Variants in FAM13A observed in about 807,000 individuals in gnomAD.
FAM13A encodes the protein protein FAM13A.
In FAM13A, 76 loss-of-function variants were observed where a neutral mutation model predicts 129.6. The observed-to-expected ratio is 0.59, with a 90% CI of 0.49 to 0.71. The LOEUF (loss-of-function observed/expected upper bound fraction) is 0.71, where lower values mean the gene tolerates loss of function less well. Among genes scored for constraint, FAM13A ranks in the 30% least tolerant of loss-of-function variants. FAM13A has a pLI of 0.00. For synonymous variants in FAM13A, 443 were observed against 449.9 expected, an observed-to-expected ratio of 0.98 and a Z score of 0.20; for missense variants, 1,108 against 1,249.3, an observed-to-expected ratio of 0.89 and a Z score of 1.70.
chr4:88,813,703 C>T (rs540639318), intron 7 of FAM13A, among the ~76,000 whole-genome samples: 14 of 152,124 alleles, frequency 9.2e-5, no homozygotes, highest in Non-Finnish European at 1.3e-4. Context: ...CATCCTCTCC[C>T]GAACACCCCT....
chr4:88,775,787 A>G (rs564207736), intron 11 of FAM13A, among the ~76,000 whole-genome samples: 1 of 152,350 alleles, frequency 6.6e-6, no homozygotes, highest in South Asian at 2.1e-4. Context: ...GAGATTGGCC[A>G]TCAGAGCAGA....
chr4:88,912,639 A>G (rs1749274506), intron 5 of FAM13A, among the ~76,000 whole-genome samples: 1 of 152,020 alleles, frequency 6.6e-6, no homozygotes, highest in African/African-American at 2.4e-5. Flanking sequence ...CCTTGAACAT[A>G]TACAGGAGGA....
intron 4 of FAM13A, among the ~76,000 whole-genome samples, chr4:88,982,232 T>G (rs1452570196): frequency 6.6e-6 from 1 of 152,246 alleles, no homozygotes; most frequent in Non-Finnish European, 1.5e-5. Context: ...TACTCAATAC[T>G]GTAAGAAGCT....
chr4:88,740,802 C>T (rs899470272), intron 19 of FAM13A, among the ~76,000 whole-genome samples: 1 of 152,220 alleles, frequency 6.6e-6, no homozygotes, highest in Non-Finnish European at 1.5e-5. Context: ...AGAAGAATAA[C>T]AGCCTTATGT....
chr4:88,867,710 C>T (rs1185388191), intron 6 of FAM13A, among the ~76,000 whole-genome samples: 8 of 152,106 alleles, frequency 5.3e-5, no homozygotes, highest in Non-Finnish European at 1.2e-4. Context: ...GTGAATGAAG[C>T]AAGTTGGAGA....
intron 14 of FAM13A, among the ~76,000 whole-genome samples, chr4:88,755,261 G>T (rs1004302209): frequency 9.9e-5 from 15 of 152,154 alleles, no homozygotes; most frequent in African/African-American, 2.9e-4. Context: ...AACTTAGGCT[G>T]ATTTTTCCTG....
intron 1 of FAM13A, among the ~76,000 whole-genome samples, chr4:89,040,632 T>C (rs1769988404): frequency 6.6e-6 from 1 of 152,220 alleles, no homozygotes; most frequent in Non-Finnish European, 1.5e-5. Context: ...TTGACTGGTA[T>C]AGTCTCACTG....
rs1762952265 is a variant in FAM13A, at chr4:88,991,789, G to C, written c.428-639C>G. On this transcript the variant is annotated intron_variant, in intron 3 of 23. Transcript: ENST00000264344. ...TAATCTTGACAAAGATTATCTCCTT[G>C]ACCAATCTCTAGTCAGACTTCTCTG... Among the ~76,000 whole-genome samples, 2 of 152,078 alleles carry C rather than the reference G, an allele frequency of 1.3e-5. 1 individual carries two copies. Among genetic ancestry groups the C allele is most frequent in the South Asian group, 4.1e-4 (2 of 4,820 alleles).
At chr4:88,985,848 TA>T (rs56061264) in intron 4 of FAM13A, among the ~76,000 whole-genome samples, 2,589 of 144,940 alleles carry the variant, frequency 0.018, 85 homozygotes, top group African/African-American at 0.06. Context: ...CAAAAAAGAA[TA>T]AAAAAAAAAA....
chr4:88,741,413 T>C (rs1740223710), intron 19 of FAM13A, among the ~76,000 whole-genome samples: 1 of 152,198 alleles, frequency 6.6e-6, no homozygotes, highest in Admixed American at 6.6e-5. Flanking sequence ...CAGATTCCAC[T>C]TACATAAAGG....
At chr4:88,923,599 C>T (rs1425322171) in intron 5 of FAM13A, among the ~76,000 whole-genome samples, 1 of 152,148 alleles carries the variant, frequency 6.6e-6, no homozygotes, top group Non-Finnish European at 1.5e-5. Context: ...CAATATCATA[C>T]TGAATGGGCA....
chr4:89,025,351 G>A (rs985196575), intron 2 of FAM13A, among the ~76,000 whole-genome samples: 11 of 138,150 alleles, frequency 8.0e-5, no homozygotes, highest in South Asian at 5.0e-4. Context: ...TGCAAGCTCC[G>A]CTTCCCGGGT....
intron 1 of FAM13A, among the ~76,000 whole-genome samples, chr4:89,031,509 G>A (rs544374603): frequency 4.6e-5 from 7 of 152,220 alleles, no homozygotes; most frequent in African/African-American, 1.4e-4. Context: ...GAGTTTGTAT[G>A]TCATAGAAAT....
At chr4:88,750,841 CT>C (rs1742444663) in intron 14 of FAM13A, among the ~76,000 whole-genome samples, 1 of 152,230 alleles carries the variant, frequency 6.6e-6, no homozygotes, top group Admixed American at 6.5e-5. Flanking sequence ...ATCTGTCTAC[CT>C]CTCGTTTCCA....
chr4:88,838,734 A>C (rs1207627579), intron 7 of FAM13A, among the ~76,000 whole-genome samples: 2 of 149,580 alleles, frequency 1.3e-5, no homozygotes, highest in East Asian at 3.9e-4. Context: ...CTCAAAAAAA[A>C]AAAAGAAAAA....
chr4:89,034,853 GC>G (rs1475977770), intron 1 of FAM13A, among the ~76,000 whole-genome samples: 4 of 152,224 alleles, frequency 2.6e-5, no homozygotes, highest in African/African-American at 4.8e-5. Context: ...CTGCACTCCA[GC>G]CTGGGTGACA....
At chr4:88,926,122 G>A (rs1024232737) in intron 5 of FAM13A, among the ~76,000 whole-genome samples, 1 of 151,940 alleles carries the variant, frequency 6.6e-6, no homozygotes, top group Non-Finnish European at 1.5e-5. Flanking sequence ...TTAGGGGAGA[G>A]CTCGGGCAAC....
chr4:88,844,336 T>C (rs17014672), intron 7 of FAM13A, among the ~76,000 whole-genome samples: 10,665 of 152,266 alleles, frequency 0.07, 532 homozygotes, highest in African/African-American at 0.14. Context: ...CTCAGCCTGA[T>C]TCTATAATAA....
intron 23 of FAM13A, chr4:88,729,827 A>G (rs920306023): frequency 1.6e-4 from 24 of 152,252 alleles, no homozygotes. Flanking sequence ...AATAATATAA[A>G]AAAGGATAAG....
Sources: allele counts gnomAD v4.1 joint callset (sites outside exome capture counted in the v4.1 genomes callset), GRCh38; gene constraint gnomAD v4.1.1; transcripts MANE v1.5; gene names NCBI Gene and HGNC (gene_info 2026-07-23, HGNC 2026-07-21).